The following ITPR1 variants were observed in gnomAD, a reference collection of about 807,000 sequenced individuals.
ITPR1 encodes inositol 1,4,5-trisphosphate-gated calcium channel ITPR1.
In ITPR1, 96 loss-of-function variants were observed where a neutral mutation model predicts 318.4. The observed-to-expected ratio is 0.30, with a 90% CI of 0.26 to 0.36. ITPR1 has a LOEUF of 0.36. Among genes scored for constraint, ITPR1 ranks in the 10% least tolerant of loss-of-function variants. The pLI is 1.00. For missense variants in ITPR1, 2,440 were observed against 3,460.2 expected (o/e 0.71, Z 7.40); for synonymous variants, 1,312 against 1,289.9 (o/e 1.02, Z -0.37).
At chr3:4,612,314 G>A (rs139206940) in intron 4 of ITPR1, among the ~76,000 whole-genome samples, 53 of 151,706 alleles carry the variant, frequency 3.5e-4, no homozygotes, top group Admixed American at 7.9e-4. Context: ...CGCCTGCCTC[G>A]GCCTCCTAAA....
chr3:4,767,194 A>C lies in ITPR1; in HGVS notation c.5725+484A>C, dbSNP rs188921418. ...GGTCTTGAGAAAGTTAAGCATGCTG[A>C]GCCTCACGTTTCAAGTTTAGAACTG... On this transcript the variant is annotated intron_variant, in intron 45 of 61. Transcript: ENST00000649015. 2.5e-3 allele frequency among the ~76,000 whole-genome samples: 383 copies of C among 152,370 alleles called. 4 individuals carry two copies. Among genetic ancestry groups the C allele is most frequent in the Non-Finnish European group, 5.7e-4 (39 of 68,016 alleles).
At chr3:4,576,943 C>T (rs771638839) in intron 4 of ITPR1, among the ~76,000 whole-genome samples, 6 of 152,176 alleles carry the variant, frequency 3.9e-5, no homozygotes, top group Non-Finnish European at 8.8e-5. Context: ...ACTTATTAAG[C>T]ACCTCCTCTA....
intron 2 of ITPR1, among the ~76,000 whole-genome samples, chr3:4,511,556 G>A (rs1292820092): frequency 6.6e-6 from 1 of 152,210 alleles, no homozygotes; most frequent in Non-Finnish European, 1.5e-5. Flanking sequence ...TTGGTGGCAT[G>A]CCTACTTCAC....
intron 10 of ITPR1, among the ~76,000 whole-genome samples, chr3:4,648,106 T>G (rs141186293): frequency 0.011 from 1,629 of 151,672 alleles, 25 homozygotes; most frequent in African/African-American, 0.037. Flanking sequence ...AAGCCGAGAG[T>G]GCACCATTGC....
At chr3:4,639,159 A>G (rs1025971959) in intron 5 of ITPR1, among the ~76,000 whole-genome samples, 1 of 152,034 alleles carries the variant, frequency 6.6e-6, no homozygotes, top group Non-Finnish European at 1.5e-5. Context: ...TTAAAGAAAG[A>G]AAAAAAAGCA....
At chr3:4,799,049 C>G (rs2048062501) in intron 53 of ITPR1, among the ~76,000 whole-genome samples, 1 of 152,156 alleles carries the variant, frequency 6.6e-6, no homozygotes, top group South Asian at 2.1e-4. Flanking sequence ...TATAAACTGC[C>G]AAGATTCACC....
intron 4 of ITPR1, among the ~76,000 whole-genome samples, chr3:4,559,907 T>C (rs2086505748): frequency 6.6e-6 from 1 of 152,118 alleles, no homozygotes; most frequent in South Asian, 2.1e-4. Flanking sequence ...GACATGCTAG[T>C]CTCCCCTCCT....
At chr3:4,736,180 T>G (rs1334686040) in intron 44 of ITPR1, among the ~76,000 whole-genome samples, 1 of 152,074 alleles carries the variant, frequency 6.6e-6, no homozygotes, top group Admixed American at 6.6e-5. Flanking sequence ...TACAGACTCG[T>G]GTACACATAC....
chr3:4,643,777 G>A (rs755938134), intron 7 of ITPR1, among the ~76,000 whole-genome samples: 1 of 151,862 alleles, frequency 6.6e-6, no homozygotes, highest in African/African-American at 2.4e-5. Context: ...CTTTGTCAAA[G>A]ATAAAGACTT....
chr3:4,692,742 A>G (rs955270292), intron 32 of ITPR1, among the ~76,000 whole-genome samples: 2 of 138,428 alleles, frequency 1.4e-5, no homozygotes, highest in Non-Finnish European at 3.3e-5. Flanking sequence ...AGAGGAAGGC[A>G]TATCTTAATT....
intron 15 of ITPR1, among the ~76,000 whole-genome samples, 184 bp downstream of exon 15, chr3:4,662,426 C>G (rs1228155139): frequency 1.3e-5 from 2 of 152,086 alleles, no homozygotes; most frequent in South Asian, 4.1e-4. Flanking sequence ...TTTTTTGAGT[C>G]TCTAAAATTA....
chr3:4,552,549 G>A (rs2085671815), intron 4 of ITPR1, among the ~76,000 whole-genome samples: 1 of 152,194 alleles, frequency 6.6e-6, no homozygotes, highest in African/African-American at 2.4e-5. Flanking sequence ...TGTTCCTATG[G>A]AGTTGGGGCC....
At chr3:4,591,079 A>C (rs760039903) in intron 4 of ITPR1, among the ~76,000 whole-genome samples, 9 of 152,198 alleles carry the variant, frequency 5.9e-5, no homozygotes, top group South Asian at 2.1e-4. Context: ...ATGGCTGCAT[A>C]GTATTCCATG....
chr3:4,781,641 T>A (rs1575223184), intron 49 of ITPR1, among the ~76,000 whole-genome samples: 1 of 152,216 alleles, frequency 6.6e-6, no homozygotes, highest in African/African-American at 2.4e-5. Flanking sequence ...CCTGTGACTT[T>A]AGGAATGTTC....
intron 38 of ITPR1, 156 bp from the exon 39 acceptor site, chr3:4,711,601 G>A (rs1277657442): frequency 1.5e-5 from 9 of 591,520 alleles, no homozygotes; most frequent in Non-Finnish European, 2.7e-5. Context: ...CTAACTGGCT[G>A]TTCTCAGTGC....
At chr3:4,598,927 C>G (rs1323373378) in intron 4 of ITPR1, among the ~76,000 whole-genome samples, 1 of 152,112 alleles carries the variant, frequency 6.6e-6, no homozygotes, top group Non-Finnish European at 1.5e-5. Flanking sequence ...CACTATTTTT[C>G]CTCTTTTGTA....
intron 16 of ITPR1, among the ~76,000 whole-genome samples, chr3:4,664,503 A>C (rs564890218): frequency 6.6e-6 from 1 of 152,348 alleles, no homozygotes. Context: ...ATGTTGGTCT[A>C]TGATAGACAG....
intron 11 of ITPR1, among the ~76,000 whole-genome samples, chr3:4,653,201 C>G (rs893749957): frequency 6.6e-6 from 1 of 152,164 alleles, no homozygotes; most frequent in Non-Finnish European, 1.5e-5. Flanking sequence ...CTGGGACCAC[C>G]CATGAGACTA....
At chr3:4,586,574 A>G (rs558223164) in intron 4 of ITPR1, among the ~76,000 whole-genome samples, 1 of 144,526 alleles carries the variant, frequency 6.9e-6, no homozygotes, top group Non-Finnish European at 1.5e-5. Flanking sequence ...TAGTGGCACG[A>G]TCATGGCTCC....
Sources: gnomAD v4.1 joint callset for allele counts (sites outside exome capture counted in the v4.1 genomes callset) on GRCh38, gnomAD v4.1.1 for gene constraint, MANE v1.5 for transcripts, NCBI Gene and HGNC (gene_info 2026-07-23, HGNC 2026-07-21) for gene names.